Variants in METTL2A observed in about 807,000 individuals in gnomAD.
The protein encoded by METTL2A is tRNA N(3)-cytidine methyltransferase METTL2A.
METTL2A carries 45 observed loss-of-function variants against 49.4 expected under a neutral mutation model. The observed-to-expected ratio is 0.91, with a 90% CI of 0.72 to 1.17. The LOEUF (loss-of-function observed/expected upper bound fraction) is 1.17. Ranked by LOEUF, METTL2A falls within the 50% of genes most tolerant of loss-of-function variation. METTL2A has a pLI of 0.00. For missense variants in METTL2A, 361 were observed against 462.2 expected, an observed-to-expected ratio of 0.78 and a Z score of 2.01; for synonymous variants, 118 against 167.5, an observed-to-expected ratio of 0.70 and a Z score of 2.28.
chr17:62,439,801 G>A (rs562190778), intron 5 of METTL2A, among the ~76,000 whole-genome samples: 15 of 151,984 alleles, frequency 9.9e-5, no homozygotes, highest in Non-Finnish European at 7.4e-5. Context: ...TTTCATGATC[G>A]TTTTCCAATT....
chr17:62,432,054 T>A (rs1227722911), intron 4 of METTL2A, among the ~76,000 whole-genome samples: 1 of 152,130 alleles, frequency 6.6e-6, no homozygotes, highest in East Asian at 1.9e-4. Flanking sequence ...CACAGAGTTG[T>A]GCAGCCATCA....
chr17:62,426,251 A>G (rs996466391), intron 2 of METTL2A, 48 bp from the exon 3 acceptor site: 2 of 1,520,540 alleles, frequency 1.3e-6, no homozygotes, highest in African/African-American at 2.8e-5. Context: ...AGATATAAAT[A>G]AAACATTTGA....
rs1159271210 is a variant in METTL2A, at chr17:62,423,911, C to A, written c.9C>A (p.Gly3=). 7.4e-6 allele frequency: 12 copies of A among 1,613,118 alleles called. No homozygotes were observed. The highest frequency in any genetic ancestry group is 1.0e-5 in the Non-Finnish European group (12 of 1,179,686). Residue 3 remains glycine, a synonymous_variant, in exon 1 of 9, where the codon GGC becomes GGA. Coordinates refer to ENST00000311506, the MANE Select transcript of METTL2A (RefSeq NM_181725.4). ...TTTCCGGCTCCGGTGTCATGGCCGG[C>A]TCCTACCCTGAAGGTGCACCTGCAG... is the stretch of plus-strand genomic sequence containing the variant. MA[G]SYPEGAPAVL...
intron 5 of METTL2A, among the ~76,000 whole-genome samples, chr17:62,436,684 G>A (rs1002367035): frequency 6.6e-6 from 1 of 152,188 alleles, no homozygotes; most frequent in African/African-American, 2.4e-5. Flanking sequence ...ACTGATCAGG[G>A]TGGTGATTGC....
Position 62,450,370 on chromosome 17 carries a change from C to T in METTL2A, c.*1641C>T, listed in dbSNP as rs1021168929. The T allele has an allele frequency of 1.3e-5, 2 of 150,784 alleles. No homozygotes were observed. Among genetic ancestry groups the T allele is most frequent in the African/African-American group, 2.4e-5 (1 of 40,952 alleles). 9.3% of individuals were successfully genotyped at this position (150,784 alleles called of 1,614,324 possible). On this transcript the variant is annotated 3_prime_UTR_variant, in exon 9 of 9. Transcript: ENST00000311506. ...CTCAAACTTCTGGCTCAAGCCATCC[C>T]TCCGCCTCAGCCTCCTGAGTAGCTA...
intron 5 of METTL2A, among the ~76,000 whole-genome samples, chr17:62,437,754 A>T: frequency 6.6e-6 from 1 of 152,152 alleles, no homozygotes; most frequent in East Asian, 1.9e-4. Context: ...CCAGCGGATC[A>T]CGAGGTCAGG....
At chr17:62,440,200 T>C (rs1259145602) in intron 5 of METTL2A, among the ~76,000 whole-genome samples, 1 of 152,068 alleles carries the variant, frequency 6.6e-6, no homozygotes, top group East Asian at 1.9e-4. Flanking sequence ...TAATTTTGTA[T>C]TTTTAGTAGA....
chr17:62,445,709 A>G (rs529927414), intron 7 of METTL2A, among the ~76,000 whole-genome samples: 1 of 152,076 alleles, frequency 6.6e-6, no homozygotes, highest in African/African-American at 2.4e-5. Context: ...AGGCAGGAGA[A>G]TCGCTTGAAC....
intron 5 of METTL2A, among the ~76,000 whole-genome samples, chr17:62,440,019 C>CTTTTTTTTTTTTTT (rs60232494): frequency 7.1e-6 from 1 of 141,076 alleles, no homozygotes. Context: ...TTTGCCGTTA[C>CTTTTTTTTTTTTTT]TTTTTTTTTT....
At chr17:62,431,365 T>C (rs777818598) in intron 4 of METTL2A, among the ~76,000 whole-genome samples, 1 of 147,884 alleles carries the variant, frequency 6.8e-6, no homozygotes. Flanking sequence ...ATCCTTTTTT[T>C]TTTTCTTTTG....
chr17:62,437,526 A>G (rs2070709011), intron 5 of METTL2A, among the ~76,000 whole-genome samples: 1 of 152,100 alleles, frequency 6.6e-6, no homozygotes, highest in Non-Finnish European at 1.5e-5. Context: ...GTGCCTCACT[A>G]AAATGATTGT....
chr17:62,431,969 T>C (rs1460893908), intron 4 of METTL2A, among the ~76,000 whole-genome samples: 1 of 152,202 alleles, frequency 6.6e-6, no homozygotes, highest in African/African-American at 2.4e-5. Flanking sequence ...TCTGCCTGCC[T>C]CGGCCTGCCA....
At chr17:62,442,668 C>T in intron 6 of METTL2A, among the ~76,000 whole-genome samples, 1 of 152,182 alleles carries the variant, frequency 6.6e-6, no homozygotes, top group East Asian at 1.9e-4. Context: ...TTGGCACTGC[C>T]AGAGTGCAGT....
Position 62,444,864 on chromosome 17 carries a change from C to A in METTL2A, c.837C>A (p.Ser279Arg). 6.2e-7 allele frequency: 1 copy of A among 1,613,902 alleles called. No homozygotes were observed. Among genetic ancestry groups the A allele is most frequent in the Non-Finnish European group, 8.5e-7 (1 of 1,179,884 alleles). The stretch of plus-strand genomic sequence containing the variant: ...TGCAGAAGGCTATCAACAGGCTGAG[C>A]AGGCTTCTGAAACCTGGCGGGATGA... ...DKMQKAINRL[S>R]RLLKPGGMML... Residue 279 changes from serine (S) to arginine (R), a missense_variant, in exon 7 of 9, where the codon AGC (serine) becomes AGA (arginine). Around this residue, in one of 3 missense-constraint regions of METTL2A, gnomAD observed 183 missense variants for 216.5 expected, o/e 0.85. Coordinates refer to ENST00000311506, the MANE Select transcript of METTL2A (RefSeq NM_181725.4).
At chr17:62,441,743 CT>C (rs148727051) in intron 6 of METTL2A, among the ~76,000 whole-genome samples, 322 of 134,338 alleles carry the variant, frequency 2.4e-3, no homozygotes, top group Middle Eastern at 4.3e-3. Flanking sequence ...CTATGCTGGC[CT>C]TTTTTTTTTT....
At chr17:62,425,173 C>T (rs1429614078) in intron 2 of METTL2A, among the ~76,000 whole-genome samples, 1 of 151,504 alleles carries the variant, frequency 6.6e-6, no homozygotes, top group Non-Finnish European at 1.5e-5. Context: ...AATCCTGTTT[C>T]TTAGGGAGTC....
intron 2 of METTL2A, among the ~76,000 whole-genome samples, 183 bp from the exon 3 acceptor site, chr17:62,426,116 A>C (rs2873889): frequency 0.94 from 143,404 of 152,190 alleles, 68,157 homozygotes; most frequent in East Asian, 1. Context: ...TAGGGGCATT[A>C]GGGTATAATG....
intron 6 of METTL2A, among the ~76,000 whole-genome samples, chr17:62,441,146 A>G (rs1405026212): frequency 6.6e-6 from 1 of 152,174 alleles, no homozygotes; most frequent in Non-Finnish European, 1.5e-5. Flanking sequence ...TCAAAGTAAA[A>G]AGAGTTTTGT....
At position 62,448,716 on chromosome 17, in the gene METTL2A, C is replaced by A. The variant is rs1598039132; in HGVS notation, c.1124C>A (p.Ser375Tyr). The A allele has an allele frequency of 3.7e-6, 6 of 1,614,026 alleles. No individual in the cohort carries two copies. In the Middle Eastern group the frequency reaches 6.6e-4, roughly 178 times the overall value. ...TGCAAATACTGCAAGCCCCTTCTGT[C>A]CAGCACCAGCTGAGAGGCACCTGCT... ...IQCKYCKPLL[S>Y]STS The change falls in exon 9 of 9, where the codon TCC becomes TAC. Residue 375 changes from serine to tyrosine, a missense_variant. Ser to Tyr is a moderately radical substitution (Grantham distance 144). Around this residue, in one of 3 missense-constraint regions of METTL2A, gnomAD observed 183 missense variants for 216.5 expected, o/e 0.85. Coordinates refer to ENST00000311506, the MANE Select transcript of METTL2A (RefSeq NM_181725.4).
Sources: allele counts gnomAD v4.1 joint callset (sites outside exome capture counted in the v4.1 genomes callset), GRCh38; gene constraint gnomAD v4.1.1; regional missense constraint gnomAD v4.1.1; transcripts MANE v1.5; gene names NCBI Gene and HGNC (gene_info 2026-07-23, HGNC 2026-07-21).